The following RBFOX1 variants were observed in gnomAD, a reference collection of about 807,000 sequenced individuals.
RBFOX1 encodes the protein RNA binding fox-1 homolog 1.
Under a neutral mutation model 57.7 loss-of-function variants are expected in RBFOX1, and 8 were observed. The ratio of observed to expected loss-of-function variants is 0.14; its 90% CI spans 0.08 to 0.25. The LOEUF (loss-of-function observed/expected upper bound fraction) is 0.25. Among genes scored for constraint, RBFOX1 ranks in the 10% least tolerant of loss-of-function variants. The pLI is 1.00. For missense variants in RBFOX1, 611 were observed against 548.5 expected (o/e 1.11, Z -1.14); for synonymous variants, 326 against 222.4 (o/e 1.47, Z -4.15).
At chr16:6,752,755 T>A (rs1208605117) in intron 3 of RBFOX1, among the ~76,000 whole-genome samples, 2 of 152,138 alleles carry the variant, frequency 1.3e-5, no homozygotes, top group African/African-American at 2.4e-5. Flanking sequence ...TTTCCCTTAC[T>A]GCTTCTTCAC....
At chr16:5,605,822 T>G (rs75229396) in intron 3 of RBFOX1, among the ~76,000 whole-genome samples, 5,641 of 151,934 alleles carry the variant, frequency 0.037, 244 homozygotes, top group African/African-American at 0.11. Context: ...AGAAGAATGG[T>G]ACTCTTGAAT....
intron 1 of RBFOX1, among the ~76,000 whole-genome samples, chr16:5,391,820 GTA>G (rs1483167972): frequency 1.3e-5 from 2 of 150,864 alleles, no homozygotes; most frequent in Non-Finnish European, 3.0e-5. Context: ...TGGTGTGTGT[GTA>G]TATATATACA....
At chr16:7,346,756 C>G (rs889926689) in intron 4 of RBFOX1, among the ~76,000 whole-genome samples, 1 of 152,070 alleles carries the variant, frequency 6.6e-6, no homozygotes, top group Middle Eastern at 3.2e-3. Context: ...ACTGAAGACC[C>G]ATAAGATTCA....
intron 5 of RBFOX1, among the ~76,000 whole-genome samples, chr16:7,555,958 A>AT (rs1356017664): frequency 1.3e-5 from 2 of 151,860 alleles, no homozygotes; most frequent in Non-Finnish European, 2.9e-5. Context: ...GAGAGGAGGG[A>AT]TTTTTTCCTG....
At chr16:6,999,382 C>T (rs1596492281) in intron 3 of RBFOX1, among the ~76,000 whole-genome samples, 1 of 151,454 alleles carries the variant, frequency 6.6e-6, no homozygotes, top group Non-Finnish European at 1.5e-5. Flanking sequence ...ACTCCAGATT[C>T]ATTGGTGGAC....
intron 3 of RBFOX1, among the ~76,000 whole-genome samples, chr16:6,655,413 C>T (rs529185787): frequency 5.8e-4 from 60 of 103,266 alleles, no homozygotes; most frequent in Non-Finnish European, 1.2e-3. Flanking sequence ...AGAGCTCGCG[C>T]TCAATTTCCA....
At chr16:7,605,436 A>G (rs1285116585) in intron 9 of RBFOX1, among the ~76,000 whole-genome samples, 1 of 152,184 alleles carries the variant, frequency 6.6e-6, no homozygotes, top group African/African-American at 2.4e-5. Flanking sequence ...TAATAGAAGT[A>G]TAACACTTTG....
chr16:5,763,938 A>C (rs904171493), intron 3 of RBFOX1, among the ~76,000 whole-genome samples: 1 of 151,886 alleles, frequency 6.6e-6, no homozygotes, highest in African/African-American at 2.4e-5. Flanking sequence ...ATTATTTCTT[A>C]TTTCTTTATT....
rs74703133 is a variant in RBFOX1, at chr16:6,085,398, G to C, written c.-127+65406G>C. On this transcript the variant is annotated intron_variant, in intron 1 of 15. Transcript: ENST00000550418. ...AGCGATTCTCCTGCCTCAGCCTCCC[G>C]AGTAGCTGGGAGTACAGGTATGCGC... 6.6e-5 allele frequency among the ~76,000 whole-genome samples: 10 copies of C among 152,194 alleles called. No homozygotes were observed. The East Asian group carries it at 1.9e-3, about 29-fold the overall frequency.
chr16:6,937,539 A>G lies in RBFOX1; in HGVS notation c.-15-114518A>G, dbSNP rs533425653. On this transcript the variant is annotated intron_variant, in intron 3 of 15. Coordinates refer to ENST00000550418, the MANE Select transcript of RBFOX1 (RefSeq NM_018723.4). The stretch of plus-strand genomic sequence containing the variant: ...CAGGAGATCCTGAGAACACACACCC[A>G]TAGTGGTCAAGGCACAGCCTAGTTT... Among the ~76,000 whole-genome samples the G allele has an allele frequency of 5.3e-5, 8 of 152,290 alleles. 1 individual carries two copies. The highest frequency in any genetic ancestry group is 1.3e-4 in the Admixed American group (2 of 15,282).
chr16:5,295,540 G>A (rs139224172), intron 1 of RBFOX1, among the ~76,000 whole-genome samples: 1 of 152,158 alleles, frequency 6.6e-6, no homozygotes, highest in African/African-American at 2.4e-5. Flanking sequence ...AGGCTCATCT[G>A]GTTGTTGGCA....
At chr16:6,148,306 G>A (rs1296569766) in intron 1 of RBFOX1, among the ~76,000 whole-genome samples, 7 of 152,200 alleles carry the variant, frequency 4.6e-5, no homozygotes, top group South Asian at 2.1e-4. Flanking sequence ...CAGCCTGGGC[G>A]ACGGAGTGAG....
chr16:5,762,940 A>T (rs1267186373), intron 3 of RBFOX1, among the ~76,000 whole-genome samples: 2 of 152,218 alleles, frequency 1.3e-5, no homozygotes, highest in Non-Finnish European at 1.5e-5. Flanking sequence ...TGTGAAAAGC[A>T]GTTATTGCTG....
intron 3 of RBFOX1, among the ~76,000 whole-genome samples, chr16:6,690,754 C>A (rs372152957): frequency 5.0e-5 from 2 of 40,388 alleles, no homozygotes; most frequent in Non-Finnish European, 9.6e-5. Context: ...TCTTTTCTTT[C>A]TTTCTTTTTT....
At chr16:6,884,652 A>G (rs1211987897) in intron 3 of RBFOX1, among the ~76,000 whole-genome samples, 2 of 152,154 alleles carry the variant, frequency 1.3e-5, no homozygotes, top group African/African-American at 4.8e-5. Flanking sequence ...TAATCCCAGC[A>G]CTAGGGGAGG....
chr16:7,572,142 G>C (rs1244080858), intron 5 of RBFOX1, among the ~76,000 whole-genome samples: 1 of 152,060 alleles, frequency 6.6e-6, no homozygotes, highest in Non-Finnish European at 1.5e-5. Context: ...AAAACTGATG[G>C]TTATTAATAC....
chr16:7,084,978 CCA>C (rs770230605), intron 4 of RBFOX1, among the ~76,000 whole-genome samples: 1,630 of 152,268 alleles, frequency 0.011, 15 homozygotes, highest in Non-Finnish European at 0.016. Flanking sequence ...GTCTGTCTGT[CCA>C]TCCGTCCATC....
At chr16:6,192,924 A>G (rs1240406870) in intron 1 of RBFOX1, among the ~76,000 whole-genome samples, 2 of 152,192 alleles carry the variant, frequency 1.3e-5, no homozygotes, top group Non-Finnish European at 2.9e-5. Flanking sequence ...TTTGAGTGAT[A>G]TATTATGTCG....
chr16:7,127,315 T>C (rs2076271858), intron 4 of RBFOX1, among the ~76,000 whole-genome samples: 1 of 152,224 alleles, frequency 6.6e-6, no homozygotes, highest in Non-Finnish European at 1.5e-5. Context: ...TTGCTTGGTC[T>C]CAAGAGAGAA....
Sources: allele counts gnomAD v4.1 joint callset (sites outside exome capture counted in the v4.1 genomes callset), GRCh38; gene constraint gnomAD v4.1.1; transcripts MANE v1.5; gene names NCBI Gene and HGNC (gene_info 2026-07-23, HGNC 2026-07-21).